MLLT3: variants seen among roughly 807,000 people sequenced by gnomAD.
The protein encoded by MLLT3 is MLLT3 super elongation complex subunit.
A neutral mutation model predicts 53.2 loss-of-function variants in MLLT3; 4 were observed. The observed-to-expected ratio is 0.08, with a 90% CI of 0.04 to 0.17. The LOEUF is 0.17. MLLT3 is among the 10% of genes least tolerant of loss of function. MLLT3 has a pLI of 1.00. For missense variants in MLLT3, 569 were observed against 684.0 expected (o/e 0.83, Z 1.87); for synonymous variants, 283 against 230.6 (o/e 1.23, Z -2.06).
At chr9:20,348,034 T>C (rs1820921351) in intron 10 of MLLT3, among the ~76,000 whole-genome samples, 1 of 152,210 alleles carries the variant, frequency 6.6e-6, no homozygotes, top group Non-Finnish European at 1.5e-5. Context: ...TATTTGACTT[T>C]CACAGAAGCA....
At chr9:20,355,765 G>A (rs907076497) in intron 8 of MLLT3, among the ~76,000 whole-genome samples, 4 of 152,184 alleles carry the variant, frequency 2.6e-5, no homozygotes. Flanking sequence ...TATGAAGTGA[G>A]TTGTTATAAC....
chr9:20,393,458 T>C (rs1222045779), intron 5 of MLLT3, among the ~76,000 whole-genome samples: 4 of 152,212 alleles, frequency 2.6e-5, no homozygotes, highest in Non-Finnish European at 5.9e-5. Context: ...AATGCTCACA[T>C]TACTCACTTA....
rs77178469 is a variant in MLLT3, at chr9:20,563,385, T to G, written c.193+57269A>C. Among the ~76,000 whole-genome samples the G allele has an allele frequency of 1.2e-4, 18 of 152,246 alleles. No homozygotes were observed. The East Asian group carries it at 3.5e-3, about 29-fold the overall frequency. On this transcript the variant is annotated intron_variant, in intron 2 of 10. Coordinates refer to ENST00000380338, the MANE Select transcript of MLLT3 (RefSeq NM_004529.4). ...TCTTACCGTCCTAAAGCCAGGTCCC[T>G]GCTGGGTAGGGAGGGGTGTCATATA...
At chr9:20,560,041 T>C (rs1052926698) in intron 2 of MLLT3, among the ~76,000 whole-genome samples, 3 of 152,194 alleles carry the variant, frequency 2.0e-5, no homozygotes, top group African/African-American at 7.2e-5. Context: ...GCTCACACTA[T>C]AAACCTGTAC....
chr9:20,468,479 G>A (rs1273798185), intron 2 of MLLT3, among the ~76,000 whole-genome samples: 20 of 152,176 alleles, frequency 1.3e-4, no homozygotes, highest in Non-Finnish European at 1.5e-5. Context: ...AGCACATATT[G>A]TGAAAAAGCT....
chr9:20,582,135 C>T (rs994025766), intron 2 of MLLT3, among the ~76,000 whole-genome samples: 1 of 152,194 alleles, frequency 6.6e-6, no homozygotes, highest in Non-Finnish European at 1.5e-5. Flanking sequence ...TACATATTCC[C>T]TCTCCCCACT....
chr9:20,560,717 C>A (rs1320002640), intron 2 of MLLT3, among the ~76,000 whole-genome samples: 1 of 152,126 alleles, frequency 6.6e-6, no homozygotes, highest in Non-Finnish European at 1.5e-5. Context: ...AGACAGCATT[C>A]TATGCAGAGA....
intron 5 of MLLT3, chr9:20,411,300 G>C (rs1431157142): frequency 6.5e-6 from 1 of 153,460 alleles, no homozygotes; most frequent in Non-Finnish European, 1.5e-5. Flanking sequence ...AACAAAGCCT[G>C]TCTTTTCTAC....
intron 2 of MLLT3, among the ~76,000 whole-genome samples, chr9:20,482,344 T>C (rs1259576215): frequency 6.6e-6 from 1 of 152,236 alleles, no homozygotes; most frequent in Admixed American, 6.5e-5. Flanking sequence ...TCTTCTGTTC[T>C]GCTTCCCTGT....
In MLLT3 at chr9:20,495,975, T is replaced by C. The variant is rs557682190; in HGVS notation, c.194-39189A>G. On this transcript the variant is annotated intron_variant, in intron 2 of 10. Coordinates refer to ENST00000380338, the MANE Select transcript of MLLT3 (RefSeq NM_004529.4). Reference sequence around the variant, plus strand: ...AAGACAATACCAAATAACAGGCTCCTGGAAATTTATAACACAGTTTGAGTC... The same window carrying C: ...AAGACAATACCAAATAACAGGCTCCCGGAAATTTATAACACAGTTTGAGTC... Among the ~76,000 whole-genome samples the C allele has an allele frequency of 2.0e-5, 3 of 152,338 alleles. No individual in the cohort carries two copies. In the East Asian group the frequency reaches 5.8e-4, roughly 29 times the overall value.
chr9:20,565,476 G>A (rs1819329504), intron 2 of MLLT3, among the ~76,000 whole-genome samples: 1 of 151,918 alleles, frequency 6.6e-6, no homozygotes, highest in Non-Finnish European at 1.5e-5. Flanking sequence ...TTTCTTTATA[G>A]AACCACTGCT....
At chr9:20,615,378 A>C (rs866644928) in intron 2 of MLLT3, among the ~76,000 whole-genome samples, 4,577 of 144,622 alleles carry the variant, frequency 0.032, 251 homozygotes, top group African/African-American at 0.075. Context: ...AAAAAAAAAA[A>C]AAAAAAAAAA....
chr9:20,419,170 A>G (rs1822947322), intron 4 of MLLT3, among the ~76,000 whole-genome samples: 1 of 152,252 alleles, frequency 6.6e-6, no homozygotes, highest in Non-Finnish European at 1.5e-5. Context: ...CAAGTGAAGT[A>G]TAAAAAATAA....
Position 20,622,361 on chromosome 9 carries a change from C to T in MLLT3, c.-105G>A. 9.1e-7 allele frequency: 1 copy of T among 1,094,798 alleles called. No individual in the cohort carries two copies. 67.8% of individuals were successfully genotyped at this position (1,094,798 alleles called of 1,614,324 possible). A position where few individuals can be genotyped will look rare whatever the true frequency, so the allele number is the denominator to read the frequency against. ...GAGGCTGCTATGAATGAGAGCGCGC[C>T]CAGGAGCGGAGGGTAGATGGCGGAC... On this transcript the variant is annotated 5_prime_UTR_variant, in exon 1 of 11. Transcript: ENST00000380338.
intron 5 of MLLT3, among the ~76,000 whole-genome samples, chr9:20,369,446 C>G (rs1821538574): frequency 6.6e-6 from 1 of 152,136 alleles, no homozygotes; most frequent in Non-Finnish European, 1.5e-5. Flanking sequence ...AAAAAATTGA[C>G]TTATCCAGAG....
chr9:20,414,240 C>T lies in MLLT3; in HGVS notation c.606G>A (p.Glu202=), dbSNP rs143824372. The T allele has an allele frequency of 6.2e-7, 1 of 1,613,926 alleles. No homozygotes were observed. Among genetic ancestry groups the T allele is most frequent in the Non-Finnish European group, 8.5e-7 (1 of 1,179,996 alleles). ...SFSKPHKLMK[E]HKEKPSKDSR... ...AGTCTTTAGAAGGTTTTTCCTTGTGCTCCTTCATTAATTTGTGAGGCTTTG... is the reference window on the plus strand; with the variant it reads ...AGTCTTTAGAAGGTTTTTCCTTGTGTTCCTTCATTAATTTGTGAGGCTTTG... Residue 202 remains glutamate, a synonymous_variant, in exon 5 of 11, where the codon GAG becomes GAA. Coordinates refer to ENST00000380338, the MANE Select transcript of MLLT3 (RefSeq NM_004529.4).
intron 2 of MLLT3, among the ~76,000 whole-genome samples, chr9:20,609,165 C>G (rs749590836): frequency 2.0e-5 from 3 of 151,998 alleles, no homozygotes; most frequent in Admixed American, 1.3e-4. Flanking sequence ...ATTATCGGCT[C>G]TAGTCAATTG....
At chr9:20,564,880 T>A (rs1367390909) in intron 2 of MLLT3, among the ~76,000 whole-genome samples, 1 of 152,130 alleles carries the variant, frequency 6.6e-6, no homozygotes, top group Non-Finnish European at 1.5e-5. Context: ...AGCCATCCAT[T>A]CTTCCACAAG....
intron 2 of MLLT3, among the ~76,000 whole-genome samples, chr9:20,518,718 G>A (rs961775457): frequency 3.3e-5 from 5 of 152,284 alleles, no homozygotes; most frequent in Middle Eastern, 3.4e-3. Flanking sequence ...AGGGCTTATC[G>A]AATGTATGGA....
Sources: allele counts gnomAD v4.1 joint callset (sites outside exome capture counted in the v4.1 genomes callset), GRCh38; gene constraint gnomAD v4.1.1; transcripts MANE v1.5; gene names NCBI Gene and HGNC (gene_info 2026-07-23, HGNC 2026-07-21).